ZC3H12B: variants seen among roughly 807,000 people sequenced by gnomAD.
ZC3H12B encodes the protein zinc finger CCCH-type containing 12B.
Under a neutral mutation model 43.9 loss-of-function variants are expected in ZC3H12B, and 7 were observed. That is an observed-to-expected ratio of 0.16 (90% CI 0.09 to 0.30). ZC3H12B has a LOEUF of 0.30. Among genes scored for constraint, ZC3H12B ranks in the 10% least tolerant of loss-of-function variants. The pLI, the probability that ZC3H12B is intolerant of heterozygous loss-of-function variation, is 1.00. For synonymous variants in ZC3H12B, 222 were observed against 241.7 expected (o/e 0.92, Z 0.76); for missense variants, 475 against 670.2 (o/e 0.71, Z 3.22).
At chrX:65,107,581 TGTA>T in the ZC3H12B span, among the ~76,000 whole-genome samples, 2 of 111,344 alleles carry the variant, frequency 1.8e-5, no homozygotes, top group Non-Finnish European at 3.8e-5. Context: ...CACCTTGAAT[TGTA>T]GTTCCCATAT....
intron 3 of ZC3H12B, among the ~76,000 whole-genome samples, chrX:65,459,636 G>A (rs754366003): frequency 9.0e-6 from 1 of 111,588 alleles, no homozygotes; most frequent in African/African-American, 3.3e-5. Context: ...ATGCAGAAAA[G>A]GCCTTTGACA....
At chrX:65,390,948 G>A (rs182221810) in intron 2 of ZC3H12B, among the ~76,000 whole-genome samples, 145 of 111,572 alleles carry the variant, frequency 1.3e-3, no homozygotes, top group Non-Finnish European at 1.4e-3. Flanking sequence ...TTGTATCATC[G>A]ATGCAAAGAG....
At chrX:65,415,081 G>C (rs1426395790) in intron 3 of ZC3H12B, among the ~76,000 whole-genome samples, 1 of 111,967 alleles carries the variant, frequency 8.9e-6, no homozygotes, top group Non-Finnish European at 1.9e-5. Flanking sequence ...CCAGAAAGGT[G>C]GGATAACTTG....
chrX:65,123,432 T>G, the ZC3H12B span, among the ~76,000 whole-genome samples: 1 of 111,425 alleles, frequency 9.0e-6, no homozygotes, highest in East Asian at 2.8e-4. Flanking sequence ...ATCAGGATGA[T>G]GCTGGCCTCA....
chrX:65,502,019 C>T (rs759978611), exon 5 of ZC3H12B: 31 of 1,209,993 alleles, frequency 2.6e-5, no homozygotes, highest in Non-Finnish European at 3.2e-5. Context: ...TCCCAGCATC[C>T]GGTCTGTGGC....
At chrX:65,098,251 C>CA in the ZC3H12B span, among the ~76,000 whole-genome samples, 1 of 110,394 alleles carries the variant, frequency 9.1e-6, no homozygotes, top group South Asian at 3.9e-4. Flanking sequence ...CACACACACA[C>CA]ACACACACAA....
chrX:65,450,842 T>C (rs1169817857), intron 3 of ZC3H12B, among the ~76,000 whole-genome samples: 3 of 79,483 alleles, frequency 3.8e-5, no homozygotes, highest in Non-Finnish European at 6.7e-5. Context: ...TGTATATATG[T>C]ATATATATAC....
In ZC3H12B at chrX:65,458,066, AAAAAAAAAAAAAAAAAATT is replaced by A. The variant is rs1292911070; in HGVS notation, n.408-30563_408-30545del. On this transcript the variant is annotated intron_variant and non_coding_transcript_variant, in intron 3 of 5. Transcript: ENST00000617377. ...GAAACACCCAAGAATGATCAATAAAAAAAAAAAAAAAAAAAAATTAAAAAAAAAAAAAAAAGAGACAAAG... is the reference window on the plus strand; with the variant it reads ...GAAACACCCAAGAATGATCAATAAAAAAAAAAAAAAAAAAAAGAGACAAAG... Among the ~76,000 whole-genome samples the A allele has an allele frequency of 1.5e-3, 133 of 87,468 alleles. 1 individual carries two copies. The highest frequency in any genetic ancestry group is 7.0e-3 in the African/African-American group (125 of 17,936). The allele number at this position is 87,468 out of a possible 115,157, so 76.0% of individuals were successfully genotyped here. A position where few individuals can be genotyped will look rare whatever the true frequency, so the allele number is the denominator to read the frequency against.
the ZC3H12B span, among the ~76,000 whole-genome samples, chrX:65,326,261 A>G: frequency 8.9e-6 from 1 of 112,028 alleles, no homozygotes; most frequent in East Asian, 2.8e-4. Context: ...TTTGAAAGCC[A>G]TATATTTGAT....
the ZC3H12B span, among the ~76,000 whole-genome samples, chrX:65,266,007 G>T: frequency 9.0e-6 from 1 of 111,660 alleles, no homozygotes; most frequent in Non-Finnish European, 1.9e-5. Context: ...TCCCTGAGTT[G>T]AGAAGCTAGA....
intron 2 of ZC3H12B, among the ~76,000 whole-genome samples, chrX:65,381,087 T>A (rs1193394653): frequency 1.8e-5 from 2 of 111,072 alleles, no homozygotes; most frequent in East Asian, 5.6e-4. Context: ...TGAACTCAGC[T>A]CTGCACCAAG....
the ZC3H12B span, among the ~76,000 whole-genome samples, chrX:65,065,522 G>A: frequency 8.9e-6 from 1 of 112,097 alleles, no homozygotes; most frequent in Non-Finnish European, 1.9e-5. Flanking sequence ...CTGTTAGTCT[G>A]ATGGGCTTCC....
At chrX:65,124,756 T>G in the ZC3H12B span, among the ~76,000 whole-genome samples, 1 of 111,137 alleles carries the variant, frequency 9.0e-6, no homozygotes. Flanking sequence ...CCTCTGGATT[T>G]TCTAGTATTT....
chrX:65,283,066 A>G, the ZC3H12B span, among the ~76,000 whole-genome samples: 4 of 111,778 alleles, frequency 3.6e-5, no homozygotes, highest in Non-Finnish European at 7.5e-5. Context: ...TCGATGCAAA[A>G]ATCCTCAATA....
chrX:65,286,636 A>C, the ZC3H12B span, among the ~76,000 whole-genome samples: 1 of 111,099 alleles, frequency 9.0e-6, no homozygotes, highest in South Asian at 3.8e-4. Context: ...ACATACCTAT[A>C]CATATATTCT....
At chrX:65,143,136 A>G in the ZC3H12B span, among the ~76,000 whole-genome samples, 1 of 111,573 alleles carries the variant, frequency 9.0e-6, no homozygotes, top group African/African-American at 3.3e-5. Context: ...ATCTATGAGC[A>G]TGGGATGTGT....
the ZC3H12B span, among the ~76,000 whole-genome samples, chrX:65,214,806 G>T: frequency 9.0e-6 from 1 of 111,457 alleles, no homozygotes; most frequent in Non-Finnish European, 1.9e-5. Flanking sequence ...TGCATCAGAG[G>T]AATCACTGTC....
chrX:65,271,511 C>G, the ZC3H12B span: 3 of 112,403 alleles, frequency 2.7e-5, 1 homozygote, highest in African/African-American at 9.7e-5. Context: ...AATTGTTGAT[C>G]TGACTTTGGC....
the ZC3H12B span, among the ~76,000 whole-genome samples, chrX:65,049,309 A>G: frequency 9.0e-6 from 1 of 111,593 alleles, no homozygotes; most frequent in Non-Finnish European, 1.9e-5. Flanking sequence ...TTCAGGTATT[A>G]CAGTTAAGTC....
Sources: gnomAD v4.1 joint callset for allele counts (sites outside exome capture counted in the v4.1 genomes callset) on GRCh38, gnomAD v4.1.1 for gene constraint, MANE v1.5 for transcripts, NCBI Gene and HGNC (gene_info 2026-07-23, HGNC 2026-07-21) for gene names.